Variants in ZSCAN5A observed in about 807,000 individuals in gnomAD.
ZSCAN5A encodes the protein zinc finger and SCAN domain-containing protein 5A.
In ZSCAN5A, 12 loss-of-function variants were observed where a neutral mutation model predicts 23.7. The observed-to-expected ratio is 0.51, with a 90% CI of 0.32 to 0.82. The LOEUF is 0.82. Among genes scored for constraint, ZSCAN5A ranks in the 40% least tolerant of loss-of-function variants. The probability of loss-of-function intolerance (pLI) is 0.03; values close to 1 mark genes in which losing one functional copy is unlikely to be tolerated. For synonymous variants in ZSCAN5A, 257 were observed against 239.9 expected (o/e 1.07, Z -0.66); for missense variants, 597 against 617.9 (o/e 0.97, Z 0.36).
intron 2 of ZSCAN5A, among the ~76,000 whole-genome samples, chr19:56,277,145 A>C (rs1006593375): frequency 4.6e-5 from 7 of 152,134 alleles, no homozygotes; most frequent in African/African-American, 1.7e-4. Flanking sequence ...TGTTCCTCAA[A>C]ATGTTAAACA....
At chr19:56,290,578 G>A (rs1033009426) in intron 2 of ZSCAN5A, among the ~76,000 whole-genome samples, 2 of 152,194 alleles carry the variant, frequency 1.3e-5, no homozygotes, top group African/African-American at 4.8e-5. Context: ...GATTCTTTGG[G>A]TTGGACACGG....
intron 2 of ZSCAN5A, among the ~76,000 whole-genome samples, chr19:56,334,691 G>A (rs759868738): frequency 6.6e-6 from 1 of 152,146 alleles, no homozygotes; most frequent in Non-Finnish European, 1.5e-5. Flanking sequence ...TCCAGGTACT[G>A]GAAAATCTGA....
chr19:56,260,331 T>C (rs1465931993), intron 2 of ZSCAN5A, among the ~76,000 whole-genome samples: 1 of 151,692 alleles, frequency 6.6e-6, no homozygotes, highest in Non-Finnish European at 1.5e-5. Flanking sequence ...TCTCCTGCCT[T>C]AGCCTTCCTA....
intron 2 of ZSCAN5A, among the ~76,000 whole-genome samples, chr19:56,332,675 T>C (rs2041500444): frequency 6.6e-6 from 1 of 152,228 alleles, no homozygotes; most frequent in Non-Finnish European, 1.5e-5. Context: ...AATAGTGATA[T>C]GTGAGGTTTT....
chr19:56,295,885 T>C (rs10775569), intron 2 of ZSCAN5A: 134,094 of 153,280 alleles, frequency 0.87, 59,024 homozygotes, highest in East Asian at 1. Flanking sequence ...GGGAACTCCA[T>C]ACTCTGGGCC....
At chr19:56,258,186 T>C (rs899353617) in intron 2 of ZSCAN5A, among the ~76,000 whole-genome samples, 1 of 152,234 alleles carries the variant, frequency 6.6e-6, no homozygotes, top group Non-Finnish European at 1.5e-5. Context: ...CCCACCCGCC[T>C]CTTGGTGCTA....
chr19:56,228,907 T>C (rs966323425), intron 2 of ZSCAN5A, among the ~76,000 whole-genome samples: 2 of 152,184 alleles, frequency 1.3e-5, no homozygotes, highest in African/African-American at 4.8e-5. Context: ...TACCCTTATA[T>C]AAAAACAGTG....
chr19:56,298,403 C>T (rs1393711408), intron 2 of ZSCAN5A, among the ~76,000 whole-genome samples: 1 of 151,944 alleles, frequency 6.6e-6, no homozygotes, highest in Non-Finnish European at 1.5e-5. Context: ...TCTGGGAGGC[C>T]GAGGCAGGCG....
Position 56,226,716 on chromosome 19 carries a change from G to T in ZSCAN5A, c.-127-1543C>A, listed in dbSNP as rs554838284. On this transcript the variant is annotated intron_variant, in intron 2 of 5. Coordinates refer to ENST00000683990, the MANE Select transcript of ZSCAN5A (RefSeq NM_001322064.3). Reference sequence around the variant, plus strand: ...ATCCGGCAATCCCGCTCCGGGGCAGGTACACAGAGGAAAGGAAATCAGGAC... The same window carrying T: ...ATCCGGCAATCCCGCTCCGGGGCAGTTACACAGAGGAAAGGAAATCAGGAC... Among the ~76,000 whole-genome samples, 97 of 152,298 alleles carry T rather than the reference G, an allele frequency of 6.4e-4. 1 individual carries two copies. The highest frequency in any genetic ancestry group is 2.3e-3 in the African/African-American group (94 of 41,556).
chr19:56,331,451 T>C (rs541082979), intron 2 of ZSCAN5A, among the ~76,000 whole-genome samples: 2 of 152,062 alleles, frequency 1.3e-5, no homozygotes, highest in Non-Finnish European at 2.9e-5. Flanking sequence ...TTTCCATTAA[T>C]TTTTGTCATC....
chr19:56,235,620 T>G (rs71352853), intron 2 of ZSCAN5A, among the ~76,000 whole-genome samples: 12 of 13,758 alleles, frequency 8.7e-4, no homozygotes, highest in Non-Finnish European at 3.7e-4. Flanking sequence ...AGCCTCTGAT[T>G]GACCGTGGGC....
chr19:56,269,369 G>A (rs78504979), intron 2 of ZSCAN5A, among the ~76,000 whole-genome samples: 25,332 of 152,092 alleles, frequency 0.17, 2,179 homozygotes, highest in Middle Eastern at 0.35. Flanking sequence ...GGAGGAAACC[G>A]AGGCTCAGGG....
At chr19:56,305,728 G>T (rs907752057) in intron 2 of ZSCAN5A, among the ~76,000 whole-genome samples, 5 of 152,194 alleles carry the variant, frequency 3.3e-5, no homozygotes, top group African/African-American at 1.2e-4. Context: ...GATACTTAGA[G>T]CTAGAGGAAA....
intron 2 of ZSCAN5A, among the ~76,000 whole-genome samples, chr19:56,234,291 C>T (rs944517652): frequency 4.6e-5 from 7 of 152,058 alleles, no homozygotes; most frequent in South Asian, 2.1e-4. Context: ...CTGGGCTCCC[C>T]GGTTCAGGTC....
intron 2 of ZSCAN5A, among the ~76,000 whole-genome samples, chr19:56,323,117 A>G (rs1175420195): frequency 1.3e-5 from 2 of 151,836 alleles, no homozygotes; most frequent in Non-Finnish European, 2.9e-5. Context: ...GATGGTCTCG[A>G]TCTCCTGATC....
intron 2 of ZSCAN5A, among the ~76,000 whole-genome samples, chr19:56,354,201 C>T (rs2041687209): frequency 6.6e-6 from 1 of 152,102 alleles, no homozygotes; most frequent in African/African-American, 2.4e-5. Flanking sequence ...GAAAAACATT[C>T]TGGAGATGGA....
chr19:56,331,192 C>T (rs527920841), intron 2 of ZSCAN5A, among the ~76,000 whole-genome samples: 67 of 152,164 alleles, frequency 4.4e-4, no homozygotes, highest in Non-Finnish European at 8.4e-4. Flanking sequence ...TTTTGCTTAT[C>T]GTAGTCTTGT....
intron 2 of ZSCAN5A, among the ~76,000 whole-genome samples, chr19:56,286,861 T>C (rs7248792): frequency 0.91 from 138,022 of 152,322 alleles, 63,106 homozygotes; most frequent in Middle Eastern, 0.94. Flanking sequence ...CGAATGCTAG[T>C]GGGGCTTCCC....
chr19:56,320,111 G>C (rs997474025), intron 2 of ZSCAN5A: 7 of 765,988 alleles, frequency 9.1e-6, no homozygotes, highest in Admixed American at 3.4e-5. Context: ...GCTAATTTCA[G>C]AGCCATCTGT....
Sources: gnomAD v4.1 joint callset for allele counts (sites outside exome capture counted in the v4.1 genomes callset) on GRCh38, gnomAD v4.1.1 for gene constraint, MANE v1.5 for transcripts, NCBI Gene and HGNC (gene_info 2026-07-23, HGNC 2026-07-21) for gene names.